GPR137B: variants seen among roughly 807,000 people sequenced by gnomAD.
GPR137B encodes integral membrane protein GPR137B.
A neutral mutation model predicts 42.5 loss-of-function variants in GPR137B; 42 were observed. That is an observed-to-expected ratio of 0.99 (90% CI 0.77 to 1.28). The LOEUF (loss-of-function observed/expected upper bound fraction) is 1.28, where lower values mean the gene tolerates loss of function less well. GPR137B is among the 50% of genes most tolerant of loss of function. The pLI is 0.00. For synonymous variants in GPR137B, 218 were observed against 209.7 expected, an observed-to-expected ratio of 1.04 and a Z score of -0.34; for missense variants, 487 against 493.9, an observed-to-expected ratio of 0.99 and a Z score of 0.13.
At chr1:236,201,561 C>G (rs1408864529) in intron 5 of GPR137B, among the ~76,000 whole-genome samples, 1 of 151,962 alleles carries the variant, frequency 6.6e-6, no homozygotes, top group Non-Finnish European at 1.5e-5. Flanking sequence ...ATTGTTGAAA[C>G]TTTACAGTGA....
Position 236,171,480 on chromosome 1 carries a change from G to C in GPR137B, c.464+2725G>C, listed in dbSNP as rs933432163. On this transcript the variant is annotated intron_variant, in intron 2 of 6. Transcript: ENST00000366592. The surrounding 1 kb of genome is among the most constrained non-coding windows in gnomAD (Gnocchi z 4.4). ...TGATTTTATCTTGGAAGCAGTTGAG[G>C]CTGGGGTAATTAGATGTCTTCTAGA... is the stretch of plus-strand genomic sequence containing the variant. Among the ~76,000 whole-genome samples the C allele has an allele frequency of 4.6e-5, 7 of 152,196 alleles. No individual in the cohort carries two copies. Among genetic ancestry groups the C allele is most frequent in the African/African-American group, 1.4e-4 (6 of 41,456 alleles).
intron 5 of GPR137B, among the ~76,000 whole-genome samples, chr1:236,201,431 T>C (rs1015035584): frequency 6.6e-6 from 1 of 151,984 alleles, no homozygotes; most frequent in African/African-American, 2.4e-5. Context: ...GTTTGGCCAT[T>C]TGACATAATC....
intron 1 of GPR137B, among the ~76,000 whole-genome samples, chr1:236,147,153 C>A (rs1035199854): frequency 5.9e-5 from 9 of 152,200 alleles, no homozygotes; most frequent in African/African-American, 2.2e-4. Flanking sequence ...AAGCTTCTCC[C>A]ACACTGTCCA....
intron 2 of GPR137B, among the ~76,000 whole-genome samples, chr1:236,172,687 C>CTT (rs1016400106): frequency 1.5e-5 from 2 of 134,862 alleles, no homozygotes; most frequent in Admixed American, 7.4e-5. Context: ...CCAGGTTTTC[C>CTT]TTTTTTTTTT....
rs151237475 is a variant in GPR137B at position 236,176,403 on chromosome 1, G to T, written c.465-2011G>T. Among the ~76,000 whole-genome samples, 189 of 152,096 alleles carry T rather than the reference G, an allele frequency of 1.2e-3. 2 individuals are homozygous for T. The Middle Eastern group carries it at 0.014, about 11-fold the overall frequency. The stretch of plus-strand genomic sequence containing the variant: ...GGGTCCCCTCCTGCATGTCCGACTC[G>T]CTCATCTCTCCGATGCAAGTACTTT... On this transcript the variant is annotated intron_variant, in intron 2 of 6. Transcript: ENST00000366592.
At position 236,208,253 on chromosome 1, in the gene GPR137B, T is replaced by C. The variant is rs1663724585; in HGVS notation, c.*95T>C. 3.9e-6 allele frequency: 6 copies of C among 1,519,208 alleles called. No homozygotes were observed. Among genetic ancestry groups the C allele is most frequent in the South Asian group, 2.6e-5 (2 of 78,060 alleles). 94.1% of individuals were successfully genotyped at this position (1,519,208 alleles called of 1,614,324 possible). ...TTTTAGGGCACTTTTCCTTAAGAAA[T>C]AGAACTTGATTTTTATTTGTTACAG... On this transcript the variant is annotated 3_prime_UTR_variant, in exon 7 of 7. Coordinates refer to ENST00000366592, the MANE Select transcript of GPR137B (RefSeq NM_003272.4).
intron 2 of GPR137B, among the ~76,000 whole-genome samples, chr1:236,170,804 C>T (rs1030214675): frequency 4.6e-5 from 7 of 151,944 alleles, no homozygotes; most frequent in Admixed American, 2.0e-4. Flanking sequence ...GGTGAAACCC[C>T]GTTTCTACTA....
chr1:236,145,063 C>T (rs1661644767), intron 1 of GPR137B, among the ~76,000 whole-genome samples: 1 of 152,254 alleles, frequency 6.6e-6, no homozygotes, highest in African/African-American at 2.4e-5. Flanking sequence ...GCGGGCACCA[C>T]AGCAAAGGCT....
At chr1:236,169,329 C>T (rs1326095211) in intron 2 of GPR137B, among the ~76,000 whole-genome samples, 1 of 152,176 alleles carries the variant, frequency 6.6e-6, no homozygotes, top group African/African-American at 2.4e-5. Context: ...CTGGTAGGCT[C>T]CGGCTCCTTG....
At chr1:236,202,340 A>G (rs1347650610) in intron 5 of GPR137B, among the ~76,000 whole-genome samples, 1 of 152,082 alleles carries the variant, frequency 6.6e-6, no homozygotes, top group Non-Finnish European at 1.5e-5. Flanking sequence ...GGGATCTGTC[A>G]TGAGTTGCTG....
At chr1:236,146,553 G>A (rs1661688405) in intron 1 of GPR137B, among the ~76,000 whole-genome samples, 1 of 152,192 alleles carries the variant, frequency 6.6e-6, no homozygotes, top group Non-Finnish European at 1.5e-5. Flanking sequence ...TGGTGACCCA[G>A]AGGGTACTGT....
chr1:236,202,379 C>CA (rs953344608), intron 5 of GPR137B, among the ~76,000 whole-genome samples: 4 of 152,018 alleles, frequency 2.6e-5, no homozygotes, highest in African/African-American at 9.7e-5. Flanking sequence ...GGCCTCCAGC[C>CA]AGGAGGTGGC....
rs1383522917 is a variant in GPR137B, at chr1:236,195,762, CGTTT to C, written c.967-9360_967-9357del. Among the ~76,000 whole-genome samples, 9 of 152,244 alleles carry C rather than the reference CGTTT, an allele frequency of 5.9e-5. No individual in the cohort carries two copies. In the South Asian group the frequency reaches 1.5e-3, roughly 25 times the overall value. On this transcript the variant is annotated intron_variant, in intron 5 of 6. Transcript: ENST00000366592. ...TCCCTTTTCTCCACATCCTTGCCAGCGTTTGTTACTGCCTTTTAGATATAAGCGA... is the reference window on the plus strand; with the variant it reads ...TCCCTTTTCTCCACATCCTTGCCAGCGTTACTGCCTTTTAGATATAAGCGA...
At chr1:236,196,221 T>C (rs1236282812) in intron 5 of GPR137B, among the ~76,000 whole-genome samples, 1 of 152,158 alleles carries the variant, frequency 6.6e-6, no homozygotes, top group Non-Finnish European at 1.5e-5. Flanking sequence ...CTTACTGCAA[T>C]CTCTGCTTTC....
At position 236,142,854 on chromosome 1, in the gene GPR137B, C is replaced by T. The variant is rs1451744045; in HGVS notation, c.232C>T (p.Gln78Ter). 6.2e-7 allele frequency: 1 copy of T among 1,614,106 alleles called. No individual in the cohort carries two copies. The highest frequency in any genetic ancestry group is 8.5e-7 in the Non-Finnish European group (1 of 1,180,032). The change falls in exon 1 of 7, where the codon CAG (glutamine) becomes TAG (stop). Residue 78 changes from glutamine (Q) to a stop codon, truncating the protein, a stop_gained. Transcript: ENST00000366592. LOFTEE classifies it high-confidence loss of function. ...LRYRHKRLSYQSVFLFLCLFW... is the reference protein window; with the variant it reads ...LRYRHKRLSY Reference sequence around the variant, plus strand: ...TTACCGCCACAAGCGGCTCAGCTACCAGAGCGTCTTCCTCTTTCTCTGCCT... The same window carrying T: ...TTACCGCCACAAGCGGCTCAGCTACTAGAGCGTCTTCCTCTTTCTCTGCCT...
intron 1 of GPR137B, among the ~76,000 whole-genome samples, chr1:236,151,417 C>CCTTT (rs1405128961): frequency 5.5e-5 from 7 of 126,606 alleles, no homozygotes; most frequent in East Asian, 3.2e-4. Flanking sequence ...GTTGCATATT[C>CCTTT]ATTTTTTTTT....
At position 236,199,792 on chromosome 1, in the gene GPR137B, T is replaced by C. The variant is rs183009536; in HGVS notation, c.967-5334T>C. Among the ~76,000 whole-genome samples, 946 of 152,214 alleles carry C rather than the reference T, an allele frequency of 6.2e-3. 7 individuals are homozygous for C. The highest frequency in any genetic ancestry group is 9.8e-3 in the Non-Finnish European group (666 of 68,030). On this transcript the variant is annotated intron_variant, in intron 5 of 6. Coordinates refer to ENST00000366592, the MANE Select transcript of GPR137B (RefSeq NM_003272.4). ...ATGGTCTATCAATTTTGTTTATCTT[T>C]TCAAAGAATCAGCTTTTTGTTTCAT... is the stretch of plus-strand genomic sequence containing the variant.
In GPR137B at chr1:236,151,612, C is replaced by T. The variant is rs199506984; in HGVS notation, c.414+8576C>T. ...CTAATTTTTGTATTTTTAGTAGAGA[C>T]GGGGTTTCACAATGTTGGCCAGGAT... On this transcript the variant is annotated intron_variant, in intron 1 of 6. Transcript: ENST00000366592. Among the ~76,000 whole-genome samples the T allele has an allele frequency of 7.9e-5, 12 of 151,918 alleles. No individual in the cohort carries two copies. The East Asian group carries it at 9.7e-4, about 12-fold the overall frequency.
chr1:236,192,585 T>C (rs145985332), intron 5 of GPR137B, among the ~76,000 whole-genome samples: 16,771 of 151,874 alleles, frequency 0.11, 1,133 homozygotes, highest in East Asian at 0.21. Context: ...TTCCCTTGGG[T>C]AGGGGAGAAA....
Sources: allele counts gnomAD v4.1 joint callset (sites outside exome capture counted in the v4.1 genomes callset), GRCh38; gene constraint gnomAD v4.1.1; non-coding constraint Gnocchi (gnomAD v3.1); transcripts MANE v1.5; gene names NCBI Gene and HGNC (gene_info 2026-07-23, HGNC 2026-07-21).